SLC1A2: variants seen among roughly 807,000 people sequenced by gnomAD.
SLC1A2 encodes solute carrier family 1 member 2.
SLC1A2 carries 15 observed loss-of-function variants against 48.8 expected under a neutral mutation model. The observed-to-expected ratio is 0.31, with a 90% CI of 0.21 to 0.47. The LOEUF is 0.47. SLC1A2 is among the 20% of genes least tolerant of loss of function. The pLI is 0.99. For missense variants in SLC1A2, 502 were observed against 730.5 expected, an observed-to-expected ratio of 0.69 and a Z score of 3.61; for synonymous variants, 279 against 272.6, an observed-to-expected ratio of 1.02 and a Z score of -0.23.
chr11:35,263,062 G>A (rs1295504109), intron 10 of SLC1A2, among the ~76,000 whole-genome samples: 1 of 152,124 alleles, frequency 6.6e-6, no homozygotes, highest in Non-Finnish European at 1.5e-5. Flanking sequence ...TTTAGGGCTG[G>A]GTCACAGTAG....
At chr11:35,412,520 G>A (rs1262277964) in intron 1 of SLC1A2, among the ~76,000 whole-genome samples, 1 of 152,188 alleles carries the variant, frequency 6.6e-6, no homozygotes, top group South Asian at 2.1e-4. Flanking sequence ...TCTGTTGGGT[G>A]ATGAGCAAAC....
At chr11:35,340,513 C>A (rs1010791322) in intron 1 of SLC1A2, among the ~76,000 whole-genome samples, 1 of 152,184 alleles carries the variant, frequency 6.6e-6, no homozygotes, top group Non-Finnish European at 1.5e-5. Flanking sequence ...GTAGGAAGAA[C>A]CTGTGTCTGG....
At chr11:35,316,414 T>G (rs1280945332) in intron 2 of SLC1A2, 1 of 152,266 alleles carries the variant, frequency 6.6e-6, no homozygotes, top group Non-Finnish European at 1.5e-5. Context: ...CTCCAACTTC[T>G]TCAAGTCCTG....
In SLC1A2 at chr11:35,419,130, G is replaced by T. The variant is rs1240547004; in HGVS notation, c.-164C>A. On this transcript the variant is annotated 5_prime_UTR_variant, in exon 1 of 11. Transcript: ENST00000278379. This position sits in a 1 kb window ranked among gnomAD's most constrained non-coding sequence, Gnocchi z 5.4. ...GGGGTAAGCCCTTTAGCGCCTCAAC[G>T]GGCGCAGGAGGCTCCTGCGGGCGCT... The T allele has an allele frequency of 5.7e-6, 3 of 523,012 alleles. No homozygotes were observed. The highest frequency in any genetic ancestry group is 1.0e-5 in the Non-Finnish European group (3 of 300,660). The allele number at this position is 523,012 out of a possible 1,614,324, so 32.4% of individuals were successfully genotyped here.
intron 3 of SLC1A2, among the ~76,000 whole-genome samples, chr11:35,313,195 A>G (rs1187560070): frequency 6.6e-6 from 1 of 152,218 alleles, no homozygotes; most frequent in East Asian, 1.9e-4. Context: ...GGAAGACTAA[A>G]AAGCTAGTAG....
intron 1 of SLC1A2, among the ~76,000 whole-genome samples, chr11:35,355,727 A>T (rs1231644666): frequency 6.6e-6 from 1 of 152,164 alleles, no homozygotes; most frequent in Non-Finnish European, 1.5e-5. Flanking sequence ...TCTACTAAAA[A>T]TACAAAAATT....
At chr11:35,262,686 T>C (rs1950411351) in intron 10 of SLC1A2, among the ~76,000 whole-genome samples, 2 of 152,242 alleles carry the variant, frequency 1.3e-5, no homozygotes, top group African/African-American at 4.8e-5. Context: ...TCAACACAGT[T>C]AACTGATTTA....
chr11:35,334,299 T>C (rs1392476439), intron 1 of SLC1A2, among the ~76,000 whole-genome samples: 1 of 152,172 alleles, frequency 6.6e-6, no homozygotes, highest in East Asian at 1.9e-4. Context: ...CTGGCTCTCA[T>C]TAAGTTAGCA....
At chr11:35,380,493 C>G (rs1305501345) in intron 1 of SLC1A2, 2 of 398,370 alleles carry the variant, frequency 5.0e-6, no homozygotes, top group Non-Finnish European at 4.4e-6. Context: ...GTGCGACTCC[C>G]TGGATTGGTC....
At chr11:35,411,248 G>A (rs1855450886) in intron 1 of SLC1A2, among the ~76,000 whole-genome samples, 1 of 152,102 alleles carries the variant, frequency 6.6e-6, no homozygotes, top group Non-Finnish European at 1.5e-5. Context: ...TAGACCATAT[G>A]TTGCATATAA....
intron 1 of SLC1A2, among the ~76,000 whole-genome samples, chr11:35,353,083 T>C (rs192443981): frequency 6.6e-6 from 1 of 152,340 alleles, no homozygotes; most frequent in Non-Finnish European, 1.5e-5. Flanking sequence ...TTGGGATGCA[T>C]ATTATAGTCA....
intron 1 of SLC1A2, 134 bp downstream of exon 1, chr11:35,418,816 C>T (rs1356927802): frequency 2.7e-6 from 2 of 737,758 alleles, no homozygotes; most frequent in African/African-American, 3.6e-5. Flanking sequence ...CCATCCCATC[C>T]CCAGCCAAGC....
At chr11:35,321,445 T>G (rs1378117832) in intron 1 of SLC1A2, among the ~76,000 whole-genome samples, 1 of 152,112 alleles carries the variant, frequency 6.6e-6, no homozygotes. Flanking sequence ...TTTTATGCAA[T>G]TTGTCTAGAG....
At chr11:35,324,524 T>C (rs1017275344) in intron 1 of SLC1A2, among the ~76,000 whole-genome samples, 1 of 152,208 alleles carries the variant, frequency 6.6e-6, no homozygotes, top group Non-Finnish European at 1.5e-5. Context: ...AATTTTAATA[T>C]CCTTTCTTTG....
chr11:35,286,772 T>G lies in SLC1A2; in HGVS notation c.1271A>C (p.Gln424Pro). The change falls in exon 8 of 11, where the codon CAG (glutamine) becomes CCG (proline). Residue 424 changes from glutamine (Q) to proline (P), a missense_variant. Physicochemically the swap from Gln to Pro is moderately conservative, Grantham distance 76 (BLOSUM62 -1). Coordinates refer to ENST00000278379, the MANE Select transcript of SLC1A2 (RefSeq NM_004171.4). ...CCCTTCTCACCTTACAGTCACAATC[T>G]GTCCTCCATCCAGGACAACACCATT... ...QMNGVVLDGGQIVTVSLTATL... is the reference protein window; with the variant it reads ...QMNGVVLDGGPIVTVSLTATL... 6.2e-7 allele frequency: 1 copy of G among 1,613,012 alleles called. No individual in the cohort carries two copies. The highest frequency in any genetic ancestry group is 8.5e-7 in the Non-Finnish European group (1 of 1,179,390).
intron 1 of SLC1A2, among the ~76,000 whole-genome samples, chr11:35,380,932 T>A (rs551461017): frequency 2.6e-5 from 4 of 152,276 alleles, no homozygotes; most frequent in African/African-American, 7.2e-5. Flanking sequence ...AGACAACATC[T>A]GACAAAATTA....
intron 1 of SLC1A2, among the ~76,000 whole-genome samples, chr11:35,410,517 T>C (rs1177607457): frequency 6.6e-6 from 1 of 152,224 alleles, no homozygotes; most frequent in African/African-American, 2.4e-5. Context: ...TTCTAACATT[T>C]GAATTTGGAA....
At chr11:35,322,790 A>T in intron 1 of SLC1A2, 1 of 733,598 alleles carries the variant, frequency 1.4e-6, no homozygotes, top group South Asian at 1.5e-5. Flanking sequence ...GAGCACCAAG[A>T]ACCAGGAAGC....
At chr11:35,360,481 C>T (rs1458726201) in intron 1 of SLC1A2, among the ~76,000 whole-genome samples, 1 of 152,166 alleles carries the variant, frequency 6.6e-6, no homozygotes, top group African/African-American at 2.4e-5. Context: ...CCCTTCCAAC[C>T]CCAGTGACCA....
Sources: allele counts gnomAD v4.1 joint callset (sites outside exome capture counted in the v4.1 genomes callset), GRCh38; gene constraint gnomAD v4.1.1; non-coding constraint Gnocchi (gnomAD v3.1); transcripts MANE v1.5; gene names NCBI Gene and HGNC (gene_info 2026-07-23, HGNC 2026-07-21).